TRPC6: variants seen among roughly 807,000 people sequenced by gnomAD.
TRPC6 encodes the protein short transient receptor potential channel 6.
In TRPC6, 55 loss-of-function variants were observed where a neutral mutation model predicts 90.7. The observed-to-expected ratio is 0.61, with a 90% CI of 0.49 to 0.76. The LOEUF (loss-of-function observed/expected upper bound fraction) is 0.76. Ranked by LOEUF, TRPC6 falls within the 30% of genes least tolerant of loss-of-function variation. TRPC6 has a pLI of 0.00. For synonymous variants in TRPC6, 393 were observed against 393.0 expected (o/e 1.00, Z 0.00); for missense variants, 989 against 1,122.7 (o/e 0.88, Z 1.70).
At chr11:101,511,136 T>A (rs1360917169) in intron 1 of TRPC6, among the ~76,000 whole-genome samples, 2 of 152,176 alleles carry the variant, frequency 1.3e-5, no homozygotes, top group Admixed American at 1.3e-4. Context: ...GACTCAGATA[T>A]TTAGAGATTA....
At chr11:101,491,518 A>G in intron 3 of TRPC6, 38 bp downstream of exon 3, 1 of 1,611,054 alleles carries the variant, frequency 6.2e-7, no homozygotes, top group Non-Finnish European at 8.5e-7. Flanking sequence ...ACCAACAAGA[A>G]CCAAAATAAT....
intron 1 of TRPC6, among the ~76,000 whole-genome samples, chr11:101,537,957 T>A (rs986498670): frequency 1.3e-5 from 2 of 152,224 alleles, no homozygotes; most frequent in Non-Finnish European, 2.9e-5. Context: ...TACATATTTT[T>A]AGCAGTTTTC....
intron 1 of TRPC6, among the ~76,000 whole-genome samples, chr11:101,526,817 T>C (rs1010262133): frequency 1.6e-5 from 2 of 127,578 alleles, no homozygotes; most frequent in African/African-American, 6.3e-5. Flanking sequence ...TGAGCTGAGA[T>C]TGCGCCAGTG....
Position 101,546,150 on chromosome 11 carries a change from C to T in TRPC6, c.170+37184G>A, listed in dbSNP as rs1367152980. On this transcript the variant is annotated intron_variant, in intron 1 of 12. Coordinates refer to ENST00000344327, the MANE Select transcript of TRPC6 (RefSeq NM_004621.6). ...GCAGTGGCGCAATCTCGGCTCACTG[C>T]AAGCTCCGCTTCCCGGGTTCACGCC... Among the ~76,000 whole-genome samples, 74 of 61,852 alleles carry T rather than the reference C, an allele frequency of 1.2e-3. 14 individuals carry two copies. Among genetic ancestry groups the T allele is most frequent in the Non-Finnish European group, 2.1e-3 (67 of 31,222 alleles). 40.6% of individuals were successfully genotyped at this position (61,852 alleles called of 152,430 possible).
chr11:101,469,969 G>T (rs1859251008), intron 9 of TRPC6, among the ~76,000 whole-genome samples: 1 of 152,174 alleles, frequency 6.6e-6, no homozygotes, highest in Non-Finnish European at 1.5e-5. Flanking sequence ...CAGAGAATGT[G>T]CTACTTACTT....
intron 1 of TRPC6, among the ~76,000 whole-genome samples, chr11:101,568,157 G>A (rs906824737): frequency 2.0e-5 from 3 of 152,126 alleles, no homozygotes; most frequent in African/African-American, 7.2e-5. Flanking sequence ...AGAATAACCA[G>A]TTTAGAGAAG....
At chr11:101,482,914 G>A in intron 5 of TRPC6, 35 bp downstream of exon 5, 1 of 1,606,460 alleles carries the variant, frequency 6.2e-7, no homozygotes. Flanking sequence ...TGCTAAGACT[G>A]CAAACAGAAA....
chr11:101,572,238 G>A (rs1208437969), intron 1 of TRPC6, among the ~76,000 whole-genome samples: 1 of 150,698 alleles, frequency 6.6e-6, no homozygotes, highest in African/African-American at 2.4e-5. Context: ...CTCAAAAGAA[G>A]ACATTTTTGT....
intron 1 of TRPC6, among the ~76,000 whole-genome samples, chr11:101,580,739 G>C (rs1862178852): frequency 6.6e-6 from 1 of 152,038 alleles, no homozygotes; most frequent in African/African-American, 2.4e-5. Flanking sequence ...AAAGACTTGG[G>C]ATCTTATAAG....
intron 1 of TRPC6, among the ~76,000 whole-genome samples, chr11:101,543,249 C>T (rs1861216802): frequency 6.6e-6 from 1 of 152,076 alleles, no homozygotes; most frequent in Non-Finnish European, 1.5e-5. Context: ...TCATGCATTG[C>T]TGGTGGGAAT....
At chr11:101,552,060 TC>T (rs1861461682) in intron 1 of TRPC6, among the ~76,000 whole-genome samples, 1 of 152,090 alleles carries the variant, frequency 6.6e-6, no homozygotes, top group African/African-American at 2.4e-5. Context: ...TTTATCGGCA[TC>T]CATGAAACTA....
At chr11:101,535,198 GGA>G (rs2136807087) in intron 1 of TRPC6, among the ~76,000 whole-genome samples, 1 of 60,912 alleles carries the variant, frequency 1.6e-5, no homozygotes, top group South Asian at 4.3e-4. Flanking sequence ...AAGGAAGGAA[GGA>G]AGGAAGGAAG....
chr11:101,583,037 G>A (rs1862234215), intron 1 of TRPC6: 1 of 371,502 alleles, frequency 2.7e-6, no homozygotes, highest in Non-Finnish European at 3.7e-6. Flanking sequence ...TGGAGAAATC[G>A]ACCACCCATC....
At chr11:101,555,977 T>C (rs1435531257) in intron 1 of TRPC6, among the ~76,000 whole-genome samples, 3 of 152,104 alleles carry the variant, frequency 2.0e-5, no homozygotes, top group Admixed American at 2.0e-4. Context: ...AACCAATGGG[T>C]GAATGGAAGA....
At chr11:101,557,911 G>A (rs1591135314) in intron 1 of TRPC6, among the ~76,000 whole-genome samples, 1 of 152,028 alleles carries the variant, frequency 6.6e-6, no homozygotes, top group Non-Finnish European at 1.5e-5. Flanking sequence ...TAGATTACAA[G>A]AATTAATATT....
intron 1 of TRPC6, among the ~76,000 whole-genome samples, chr11:101,576,517 G>A (rs1466404423): frequency 1.3e-5 from 2 of 152,196 alleles, no homozygotes; most frequent in Non-Finnish European, 2.9e-5. Flanking sequence ...AGCCTCTTGA[G>A]CAGCATACCA....
chr11:101,583,161 G>A lies in TRPC6; in HGVS notation c.170+173C>T, dbSNP rs1023498725. 3 of 984,804 alleles carry A rather than the reference G, an allele frequency of 3.0e-6. 1 individual carries two copies. The South Asian group carries it at 1.4e-4, about 46-fold the overall frequency. The allele number at this position is 984,804 out of a possible 1,614,324, so 61.0% of individuals were successfully genotyped here. On this transcript the variant is annotated intron_variant, in intron 1 of 12. Transcript: ENST00000344327. Reference sequence around the variant, plus strand: ...ACCCCGCCTCCCCCACTCCCCGCGCGCCCCTCCACTCACTCAGGTCCCAGC... The same window carrying A: ...ACCCCGCCTCCCCCACTCCCCGCGCACCCCTCCACTCACTCAGGTCCCAGC...
intron 2 of TRPC6, among the ~76,000 whole-genome samples, chr11:101,496,746 G>A: frequency 6.6e-6 from 1 of 152,138 alleles, no homozygotes; most frequent in South Asian, 2.1e-4. Flanking sequence ...TTCAGGGGCT[G>A]GGGTTGCTCA....
At chr11:101,555,113 G>C (rs1421932259) in intron 1 of TRPC6, among the ~76,000 whole-genome samples, 2 of 152,298 alleles carry the variant, frequency 1.3e-5, no homozygotes, top group South Asian at 2.1e-4. Flanking sequence ...ATGAGAAGGA[G>C]AGTTTCAGGC....
Sources: gnomAD v4.1 joint callset for allele counts (sites outside exome capture counted in the v4.1 genomes callset) on GRCh38, gnomAD v4.1.1 for gene constraint, MANE v1.5 for transcripts, NCBI Gene and HGNC (gene_info 2026-07-23, HGNC 2026-07-21) for gene names.